OR4D9: variants seen among roughly 807,000 people sequenced by gnomAD.
OR4D9 encodes the protein olfactory receptor family 4 subfamily D member 9.
OR4D9 carries 2 observed loss-of-function variants against 0.8 expected under a neutral mutation model. The ratio of observed to expected loss-of-function variants is 2.58; its 90% confidence interval spans 1.06 to 8.13. OR4D9 has a LOEUF of 8.13. Ranked by LOEUF, OR4D9 falls within the 30% of genes most tolerant of loss-of-function variation. The probability of loss-of-function intolerance (pLI) is 0.04; values close to 1 mark genes in which losing one functional copy is unlikely to be tolerated. For missense variants in OR4D9, 399 were observed against 384.7 expected, an observed-to-expected ratio of 1.04 and a Z score of -0.31; for synonymous variants, 146 against 151.2, an observed-to-expected ratio of 0.97 and a Z score of 0.25.
chr11:59,515,248 T>G lies in OR4D9; in HGVS notation c.336T>G (p.Val112=), dbSNP rs1859387478. Residue 112 remains valine, a synonymous_variant, in exon 3 of 3, where the codon GTT becomes GTG. Transcript: ENST00000641962. The part of the protein sequence containing the change: ...FFFHLLGGAD[V]FSLSVMAFDR... ...TCCACCTTCTGGGGGGAGCAGACGT[T>G]TTTTCTCTCTCTGTGATGGCGTTTG... The G allele has an allele frequency of 6.2e-7, 1 of 1,613,090 alleles. No individual in the cohort carries two copies. The highest frequency in any genetic ancestry group is 8.5e-7 in the Non-Finnish European group (1 of 1,179,758).
In OR4D9 at chr11:59,515,029, A is replaced by C; in HGVS notation, c.117A>C (p.Leu39=). The C allele has an allele frequency of 6.2e-7, 1 of 1,613,984 alleles. No homozygotes were observed. Among genetic ancestry groups the C allele is most frequent in the Non-Finnish European group, 8.5e-7 (1 of 1,179,906 alleles). The part of the protein sequence containing the change: ...TFLFLVYMTT[L]MGNFLIMVTV... ...TGTTTTTGGTGTACATGACAACTCT[A>C]ATGGGAAACTTCCTCATCATGGTTA... Residue 39 remains leucine (L), a synonymous_variant, in exon 3 of 3, where the codon CTA becomes CTC. Coordinates refer to ENST00000641962, the MANE Select transcript of OR4D9 (RefSeq NM_001004711.2).
chr11:59,512,912 C>T (rs548611847), intron 1 of OR4D9, among the ~76,000 whole-genome samples: 2 of 152,228 alleles, frequency 1.3e-5, no homozygotes, highest in South Asian at 4.2e-4. Flanking sequence ...ATAAAAGTAA[C>T]TTATAAAAGT....
chr11:59,513,106 C>T (rs1859351200), intron 1 of OR4D9, among the ~76,000 whole-genome samples: 2 of 151,676 alleles, frequency 1.3e-5, no homozygotes, highest in Admixed American at 6.6e-5. Flanking sequence ...GATGGAGTCT[C>T]GCTCTGTCAC....
Position 59,519,925 on chromosome 11 carries a change from C to T in OR4D9, c.*4068C>T, listed in dbSNP as rs1278094756. On this transcript the variant is annotated 3_prime_UTR_variant, in exon 3 of 3. Transcript: ENST00000641962. ...ACAGTAACATGGATGCAGCTGGAGGCCGTGATCCTAAGCAAATTAATGCAG... is the reference window on the plus strand; with the variant it reads ...ACAGTAACATGGATGCAGCTGGAGGTCGTGATCCTAAGCAAATTAATGCAG... The T allele has an allele frequency of 6.6e-6, 1 of 152,112 alleles. No homozygotes were observed. Among genetic ancestry groups the T allele is most frequent in the Non-Finnish European group, 1.5e-5 (1 of 68,028 alleles). 9.4% of individuals were successfully genotyped at this position (152,112 alleles called of 1,614,324 possible).
chr11:59,512,425 C>A (rs1420318382), intron 1 of OR4D9, among the ~76,000 whole-genome samples: 7 of 138,318 alleles, frequency 5.1e-5, no homozygotes, highest in East Asian at 2.1e-4. Flanking sequence ...TGCAGTGAGC[C>A]GAGATTGTGC....
At chr11:59,514,477 G>A (rs575705203) in intron 1 of OR4D9, among the ~76,000 whole-genome samples, 196 bp from the exon 2 acceptor site, 6 of 152,158 alleles carry the variant, frequency 3.9e-5, no homozygotes, top group Non-Finnish European at 8.8e-5. Flanking sequence ...TTCTGAACAT[G>A]AGTCATTTCT....
chr11:59,515,097 T>TGC lies in OR4D9; in HGVS notation c.186_187dup (p.Leu63ArgfsTer21), dbSNP rs770817102. ...CACCTTCATACGCCCATGTACTTCC[T>TGC]GCTCCGCAACCTGTCTATTCTTGAC... On this transcript the variant is annotated frameshift_variant, in exon 3 of 3. Coordinates refer to ENST00000641962, the MANE Select transcript of OR4D9 (RefSeq NM_001004711.2). LOFTEE classifies it low-confidence loss of function (END_TRUNC). The TGC allele has an allele frequency of 6.3e-5, 102 of 1,614,118 alleles. No individual in the cohort carries two copies. The highest frequency in any genetic ancestry group is 7.7e-5 in the Non-Finnish European group (91 of 1,180,052).
Position 59,515,331 on chromosome 11 carries a change from G to C in OR4D9, c.419G>C (p.Arg140Pro), listed in dbSNP as rs539665433. The change falls in exon 3 of 3, where the codon CGA (arginine) becomes CCA (proline). Residue 140 changes from arginine (R) to proline (P), a missense_variant. Transcript: ENST00000641962. Reference protein sequence around the residue: ...LHYMTIMSRGRCTGLIVASWV... With the variant: ...LHYMTIMSRGPCTGLIVASWV... ...TATATGACCATCATGAGTAGGGGGC[G>C]ATGCACAGGCCTCATCGTGGCTTCC... The C allele has an allele frequency of 6.2e-7, 1 of 1,613,700 alleles. No homozygotes were observed. The highest frequency in any genetic ancestry group is 8.5e-7 in the Non-Finnish European group (1 of 1,179,864).
Position 59,514,722 on chromosome 11 carries a change from T to C in OR4D9, c.-75T>C. ...TCCTGGGATGACTGAATCAAAAACC[T>C]GGGTAATCTTTCATCCAGTGGTGGC... On this transcript the variant is annotated 5_prime_UTR_variant, in exon 2 of 3. Transcript: ENST00000641962. 1 of 505,394 alleles carries C rather than the reference T, an allele frequency of 2.0e-6. No homozygotes were observed. Among genetic ancestry groups the C allele is most frequent in the Non-Finnish European group, 3.5e-6 (1 of 289,854 alleles). The allele number at this position is 505,394 out of a possible 1,614,324, so 31.3% of individuals were successfully genotyped here. A position where few individuals can be genotyped will look rare whatever the true frequency, so the allele number is the denominator to read the frequency against.
rs536588186 is a variant in OR4D9 at position 59,517,147 on chromosome 11, G to C, written c.*1290G>C. ...CACACCTGTAGTCCCAGCTACTTGA[G>C]AGACTGAGGCAGGAGAGGTTGAGGC... On this transcript the variant is annotated 3_prime_UTR_variant, in exon 3 of 3. Transcript: ENST00000641962. 4 of 151,816 alleles carry C rather than the reference G, an allele frequency of 2.6e-5. No individual in the cohort carries two copies. In the East Asian group the frequency reaches 7.7e-4, roughly 29 times the overall value. The allele number at this position is 151,816 out of a possible 1,614,324, so 9.4% of individuals were successfully genotyped here. A position where few individuals can be genotyped will look rare whatever the true frequency, so the allele number is the denominator to read the frequency against.
intron 1 of OR4D9, 111 bp from the exon 2 acceptor site, chr11:59,514,562 C>T (rs1315059308): frequency 5.7e-6 from 1 of 176,334 alleles, no homozygotes; most frequent in Non-Finnish European, 1.2e-5. Flanking sequence ...CTTTTATGAA[C>T]AGAAATCCTA....
chr11:59,515,873 C>T lies in OR4D9; in HGVS notation c.*16C>T. The T allele has an allele frequency of 7.2e-6, 11 of 1,532,826 alleles. No individual in the cohort carries two copies. The highest frequency in any genetic ancestry group is 1.2e-5 in the South Asian group (1 of 82,342). The allele number at this position is 1,532,826 out of a possible 1,614,324, so 95.0% of individuals were successfully genotyped here. ...AATTCAATAAGGGTAAGATAGTACC[C>T]ATATTTAAAGATAGACATTAAATTT... On this transcript the variant is annotated 3_prime_UTR_variant, in exon 3 of 3. Transcript: ENST00000641962.
rs758876713 is a variant in OR4D9, at chr11:59,515,437, C to A, written c.525C>A (p.Asp175Glu). ...PLPFCGPNVL[D>E]TFYCDVPQVL... Reference sequence around the variant, plus strand: ...CTTTCTGTGGACCCAATGTTCTTGACACTTTCTACTGCGATGTCCCCCAGG... The same window carrying A: ...CTTTCTGTGGACCCAATGTTCTTGAAACTTTCTACTGCGATGTCCCCCAGG... The change falls in exon 3 of 3, where the codon GAC becomes GAA. Residue 175 changes from aspartate to glutamate, a missense_variant. Coordinates refer to ENST00000641962, the MANE Select transcript of OR4D9 (RefSeq NM_001004711.2). 7.4e-6 allele frequency: 12 copies of A among 1,614,188 alleles called. No homozygotes were observed. The highest frequency in any genetic ancestry group is 9.3e-6 in the Non-Finnish European group (11 of 1,180,038).
chr11:59,513,290 C>T (rs186260501), intron 1 of OR4D9, among the ~76,000 whole-genome samples: 1 of 152,178 alleles, frequency 6.6e-6, no homozygotes, highest in Admixed American at 6.5e-5. Context: ...GGCCAGGCCT[C>T]CACTCACCTC....
In OR4D9 at chr11:59,520,419, A is replaced by G. The variant is rs942767996; in HGVS notation, c.*4562A>G. 1.5e-5 allele frequency: 2 copies of G among 137,472 alleles called. No homozygotes were observed. The highest frequency in any genetic ancestry group is 5.5e-5 in the African/African-American group (2 of 36,574). 8.5% of individuals were successfully genotyped at this position (137,472 alleles called of 1,614,324 possible). ...GATGGGAATTGAACAATGAGAACAC[A>G]TGGACACAGGAAGGGGAACATCACA... On this transcript the variant is annotated 3_prime_UTR_variant, in exon 3 of 3. Transcript: ENST00000641962.
rs756363412 is a variant in OR4D9, at chr11:59,515,158, G to A, written c.246G>A (p.Leu82=). Residue 82 remains leucine (L), a synonymous_variant, in exon 3 of 3, where the codon CTG becomes CTA. Coordinates refer to ENST00000641962, the MANE Select transcript of OR4D9 (RefSeq NM_001004711.2). ...CFSSITAPKV[L]IDLLSETKTI... ...CCTCCATCACAGCTCCTAAGGTCCT[G>A]ATAGATCTTCTATCAGAGACAAAAA... 9 of 1,614,106 alleles carry A rather than the reference G, an allele frequency of 5.6e-6. No homozygotes were observed. In the South Asian group the frequency reaches 8.8e-5, roughly 16 times the overall value.
chr11:59,514,751 C>T lies in OR4D9; in HGVS notation c.-46C>T, dbSNP rs1859377669. 2 of 562,300 alleles carry T rather than the reference C, an allele frequency of 3.6e-6. No individual in the cohort carries two copies. The highest frequency in any genetic ancestry group is 6.2e-6 in the Non-Finnish European group (2 of 321,834). The allele number at this position is 562,300 out of a possible 1,614,324, so 34.8% of individuals were successfully genotyped here. Reference sequence around the variant, plus strand: ...TAATCTTTCATCCAGTGGTGGCATACTGACTTGCAGACACAGTGAGTGCAT... The same window carrying T: ...TAATCTTTCATCCAGTGGTGGCATATTGACTTGCAGACACAGTGAGTGCAT... On this transcript the variant is annotated 5_prime_UTR_variant, in exon 2 of 3. Transcript: ENST00000641962.
intron 1 of OR4D9, among the ~76,000 whole-genome samples, 193 bp from the exon 2 acceptor site, chr11:59,514,477 GAGT>G (rs1278340428): frequency 1.3e-5 from 2 of 152,158 alleles, no homozygotes; most frequent in Non-Finnish European, 2.9e-5. Flanking sequence ...TTCTGAACAT[GAGT>G]CATTTCTCAG....
Position 59,514,931 on chromosome 11 carries a change from A to G in OR4D9, c.19A>G (p.Thr7Ala). 2 of 1,610,592 alleles carry G rather than the reference A, an allele frequency of 1.2e-6. No homozygotes were observed. Among genetic ancestry groups the G allele is most frequent in the Non-Finnish European group, 1.7e-6 (2 of 1,177,484 alleles). Reference protein sequence around the residue: MDQRNYTRVKEFTFLGI... With the variant: MDQRNYARVKEFTFLGI... ...TGATTCAATGGATCAGAGAAATTAC[A>G]CCAGAGTGAAAGAATTTACCTTCCT... The change falls in exon 3 of 3, where the codon ACC (threonine) becomes GCC (alanine). Residue 7 changes from threonine to alanine, a missense_variant. Thr to Ala is a moderately conservative substitution (Grantham distance 58). Transcript: ENST00000641962.
Sources: allele counts gnomAD v4.1 joint callset (sites outside exome capture counted in the v4.1 genomes callset), GRCh38; gene constraint gnomAD v4.1.1; transcripts MANE v1.5; gene names NCBI Gene and HGNC (gene_info 2026-07-23, HGNC 2026-07-21).